NKAIN2: variants seen among roughly 807,000 people sequenced by gnomAD.
The protein encoded by NKAIN2 is sodium/potassium transporting ATPase interacting 2.
A neutral mutation model predicts 32.6 loss-of-function variants in NKAIN2; 14 were observed. That is an observed-to-expected ratio of 0.43 (90% CI 0.28 to 0.67). The LOEUF is 0.67. Among genes scored for constraint, NKAIN2 ranks in the 30% least tolerant of loss-of-function variants. The probability of loss-of-function intolerance (pLI) is 0.17; values close to 1 mark genes in which losing one functional copy is unlikely to be tolerated. For synonymous variants in NKAIN2, 80 were observed against 87.2 expected (o/e 0.92, Z 0.46); for missense variants, 198 against 258.3 (o/e 0.77, Z 1.60).
chr6:124,015,115 T>C (rs2114744830), intron 1 of NKAIN2, among the ~76,000 whole-genome samples: 1 of 152,306 alleles, frequency 6.6e-6, no homozygotes, highest in Non-Finnish European at 1.5e-5. Context: ...GTAAAGGGCA[T>C]GTGCTACTGC....
At chr6:123,985,539 T>C (rs1779098499) in intron 1 of NKAIN2, among the ~76,000 whole-genome samples, 1 of 152,150 alleles carries the variant, frequency 6.6e-6, no homozygotes, top group African/African-American at 2.4e-5. Flanking sequence ...ACACAATATA[T>C]ATGCAATTCT....
chr6:124,493,109 CAGTG>C (rs1342005744), intron 3 of NKAIN2, among the ~76,000 whole-genome samples: 37 of 152,082 alleles, frequency 2.4e-4, no homozygotes, highest in African/African-American at 8.9e-4. Context: ...AATTAGCACA[CAGTG>C]AGCACTCTCA....
chr6:124,063,919 C>T (rs1783033116), intron 1 of NKAIN2, among the ~76,000 whole-genome samples: 2 of 151,856 alleles, frequency 1.3e-5, no homozygotes, highest in Non-Finnish European at 2.9e-5. Context: ...GTTATTTATA[C>T]TGTACTAACA....
chr6:123,938,698 C>A (rs1204240045), intron 1 of NKAIN2, among the ~76,000 whole-genome samples: 1 of 148,678 alleles, frequency 6.7e-6, no homozygotes, highest in Non-Finnish European at 1.5e-5. Flanking sequence ...CTATTGCAAT[C>A]CTACTTGATA....
At chr6:124,184,631 A>G (rs1426339408) in intron 1 of NKAIN2, among the ~76,000 whole-genome samples, 1 of 152,180 alleles carries the variant, frequency 6.6e-6, no homozygotes, top group African/African-American at 2.4e-5. Context: ...TCACTATAAA[A>G]TCACTCATTT....
intron 3 of NKAIN2, among the ~76,000 whole-genome samples, chr6:124,475,797 A>C (rs941319288): frequency 6.6e-6 from 1 of 152,148 alleles, no homozygotes; most frequent in African/African-American, 2.4e-5. Flanking sequence ...TTTAAAATTT[A>C]TTTCTTTCCC....
chr6:123,918,217 G>A (rs1775586458), intron 1 of NKAIN2, among the ~76,000 whole-genome samples: 1 of 152,068 alleles, frequency 6.6e-6, no homozygotes, highest in South Asian at 2.1e-4. Context: ...ATTACAAATA[G>A]GGGTATGTTT....
intron 1 of NKAIN2, among the ~76,000 whole-genome samples, chr6:124,210,339 A>G (rs802240): frequency 0.99 from 150,379 of 152,096 alleles, 74,367 homozygotes; most frequent in East Asian, 1. Context: ...GATTACTATA[A>G]CTATGTAGTA....
At chr6:123,819,493 CT>C (rs1049702542) in intron 1 of NKAIN2, among the ~76,000 whole-genome samples, 129 of 152,256 alleles carry the variant, frequency 8.5e-4, no homozygotes, top group African/African-American at 2.9e-3. Context: ...ACAATATGAC[CT>C]GATTTTTCTG....
At chr6:124,140,651 T>C (rs4895432) in intron 1 of NKAIN2, among the ~76,000 whole-genome samples, 4,439 of 152,300 alleles carry the variant, frequency 0.029, 179 homozygotes, top group East Asian at 0.12. Flanking sequence ...TCAAATAAGG[T>C]ATCTGCACCA....
chr6:124,740,423 CATAT>C (rs531209062), intron 4 of NKAIN2, among the ~76,000 whole-genome samples: 2 of 139,042 alleles, frequency 1.4e-5, no homozygotes. Context: ...AGAAGATTAA[CATAT>C]ATATATATAC....
Position 124,227,381 on chromosome 6 carries a change from C to G in NKAIN2, c.55-55624C>G, listed in dbSNP as rs184591396. Among the ~76,000 whole-genome samples the G allele has an allele frequency of 7.0e-3, 1,063 of 152,220 alleles. 3 individuals carry two copies. The highest frequency in any genetic ancestry group is 0.017 in the Admixed American group (263 of 15,268). On this transcript the variant is annotated intron_variant, in intron 1 of 6. Coordinates refer to ENST00000368417, the MANE Select transcript of NKAIN2 (RefSeq NM_001040214.3). The stretch of plus-strand genomic sequence containing the variant: ...TATAACATTGCTGTTTTGCAAAACT[C>G]TTCTAATATTGAAGTTGGCATTTAC...
chr6:123,888,098 A>T (rs2114360064), intron 1 of NKAIN2, among the ~76,000 whole-genome samples: 1 of 152,296 alleles, frequency 6.6e-6, no homozygotes, highest in African/African-American at 2.4e-5. Context: ...AGAGTAAATT[A>T]AATGCTCTTT....
At chr6:124,162,857 A>G (rs1369077323) in intron 1 of NKAIN2, among the ~76,000 whole-genome samples, 2 of 152,088 alleles carry the variant, frequency 1.3e-5, no homozygotes, top group Admixed American at 1.3e-4. Context: ...CCTTTCCCAT[A>G]CATGAAGTCT....
At chr6:124,079,440 T>A (rs137911460) in intron 1 of NKAIN2, among the ~76,000 whole-genome samples, 2 of 152,334 alleles carry the variant, frequency 1.3e-5, no homozygotes, top group Non-Finnish European at 2.9e-5. Context: ...TATATTTTTT[T>A]AGATCTATTC....
rs1583205966 is a variant in NKAIN2 at position 124,409,791 on chromosome 6, T to A, written c.273+54444T>A. Reference sequence around the variant, plus strand: ...TGGTACCAGCTCCTCATTGTACCTATGGTAGAATTCGGCTGTGAATCCATC... The same window carrying A: ...TGGTACCAGCTCCTCATTGTACCTAAGGTAGAATTCGGCTGTGAATCCATC... On this transcript the variant is annotated intron_variant, in intron 3 of 6. Coordinates refer to ENST00000368417, the MANE Select transcript of NKAIN2 (RefSeq NM_001040214.3). Among the ~76,000 whole-genome samples the A allele has an allele frequency of 2.0e-5, 3 of 152,220 alleles. No individual in the cohort carries two copies. In the East Asian group the frequency reaches 5.8e-4, roughly 29 times the overall value.
intron 1 of NKAIN2, among the ~76,000 whole-genome samples, chr6:123,876,787 A>G (rs955356084): frequency 2.0e-5 from 3 of 152,210 alleles, no homozygotes; most frequent in African/African-American, 7.2e-5. Flanking sequence ...TTCTCAGTCC[A>G]CTAATTCAAA....
intron 3 of NKAIN2, among the ~76,000 whole-genome samples, chr6:124,614,074 A>AT (rs1418862185): frequency 6.6e-6 from 1 of 151,872 alleles, no homozygotes; most frequent in East Asian, 1.9e-4. Flanking sequence ...TCCCTACCAA[A>AT]TTTTTTCTCC....
intron 3 of NKAIN2, among the ~76,000 whole-genome samples, chr6:124,642,870 G>A (rs1458696770): frequency 6.6e-6 from 1 of 152,106 alleles, no homozygotes; most frequent in East Asian, 1.9e-4. Flanking sequence ...GGAGAATGCT[G>A]ACTTGGTCCC....
Sources: allele counts gnomAD v4.1 joint callset (sites outside exome capture counted in the v4.1 genomes callset), GRCh38; gene constraint gnomAD v4.1.1; transcripts MANE v1.5; gene names NCBI Gene and HGNC (gene_info 2026-07-23, HGNC 2026-07-21).